WBP2NL: variants seen among roughly 807,000 people sequenced by gnomAD.
The protein encoded by WBP2NL is WBP2 N-terminal like, also known as postacrosomal sheath WW domain-binding protein.
WBP2NL carries 27 observed loss-of-function variants against 23.3 expected under a neutral mutation model. The observed-to-expected ratio is 1.16, with a 90% confidence interval of 0.85 to 1.60. The LOEUF (loss-of-function observed/expected upper bound fraction) is 1.60. WBP2NL is among the 40% of genes most tolerant of loss of function. WBP2NL has a pLI of 0.00. For synonymous variants in WBP2NL, 151 were observed against 145.9 expected (o/e 1.03, Z -0.25); for missense variants, 370 against 389.5 (o/e 0.95, Z 0.42).
At chr22:42,049,595 C>T (rs1029871801) in intron 8 of WBP2NL, among the ~76,000 whole-genome samples, 1 of 148,220 alleles carries the variant, frequency 6.7e-6, no homozygotes, top group Admixed American at 6.9e-5. Context: ...GAGGCTGAGG[C>T]AGGAGAATGG....
intron 8 of WBP2NL, among the ~76,000 whole-genome samples, chr22:42,052,171 A>T (rs1356847289): frequency 6.6e-6 from 1 of 152,180 alleles, no homozygotes; most frequent in Non-Finnish European, 1.5e-5. Flanking sequence ...GTCTTTGTAG[A>T]GGTAAAGGTC....
chr22:41,999,961 T>G (rs565475564), intron 1 of WBP2NL, among the ~76,000 whole-genome samples: 1 of 152,248 alleles, frequency 6.6e-6, no homozygotes, highest in African/African-American at 2.4e-5. Flanking sequence ...AAGGCCTGAC[T>G]CCACTGCGCT....
At chr22:42,007,062 G>GT (rs1158931118) in intron 1 of WBP2NL, among the ~76,000 whole-genome samples, 3 of 152,152 alleles carry the variant, frequency 2.0e-5, no homozygotes, top group Admixed American at 6.5e-5. Flanking sequence ...GAAATAAACA[G>GT]TTTTTTTCTC....
At chr22:42,032,916 G>A (rs1252769059), downstream of WBP2NL, 1 of 204,918 alleles carries the variant, frequency 4.9e-6, no homozygotes, top group African/African-American at 2.4e-5. Flanking sequence ...TAATAAAACA[G>A]GGTATTAATT....
At chr22:42,002,249 A>G (rs995219618) in intron 1 of WBP2NL, among the ~76,000 whole-genome samples, 13 of 152,224 alleles carry the variant, frequency 8.5e-5, no homozygotes, top group African/African-American at 3.1e-4. Context: ...CACTATTTCA[A>G]GTACTGTTCT....
intron 8 of WBP2NL, among the ~76,000 whole-genome samples, chr22:42,056,713 A>C (rs1403579089): frequency 6.6e-6 from 1 of 151,550 alleles, no homozygotes; most frequent in Admixed American, 6.6e-5. Flanking sequence ...TTTCATTTTT[A>C]ATTTTTGTGG....
At chr22:42,048,507 A>G (rs1374190245) in intron 8 of WBP2NL, among the ~76,000 whole-genome samples, 1 of 152,148 alleles carries the variant, frequency 6.6e-6, no homozygotes, top group Non-Finnish European at 1.5e-5. Flanking sequence ...CTGTAATCCC[A>G]GCACTCTGGG....
chr22:42,042,013 C>G (rs1277022927), intron 8 of WBP2NL, among the ~76,000 whole-genome samples: 1 of 152,174 alleles, frequency 6.6e-6, no homozygotes, highest in Admixed American at 6.5e-5. Context: ...CTTTCCTGGC[C>G]TACAAAATTT....
At chr22:42,004,522 AG>A (rs1922020856) in intron 1 of WBP2NL, among the ~76,000 whole-genome samples, 1 of 152,092 alleles carries the variant, frequency 6.6e-6, no homozygotes, top group Non-Finnish European at 1.5e-5. Context: ...TGAACCTGGG[AG>A]GTGGAGGTTA....
At chr22:42,002,450 G>A (rs1033459878) in intron 1 of WBP2NL, among the ~76,000 whole-genome samples, 2 of 152,070 alleles carry the variant, frequency 1.3e-5, no homozygotes, top group African/African-American at 4.8e-5. Context: ...CAGGCATGGT[G>A]GTGCACGTCT....
intron 1 of WBP2NL, among the ~76,000 whole-genome samples, chr22:42,017,507 T>G (rs971811370): frequency 6.6e-6 from 1 of 152,194 alleles, no homozygotes; most frequent in African/African-American, 2.4e-5. Context: ...TTCACTAAAT[T>G]GCTATGACAG....
chr22:42,051,586 G>A (rs1925839778), intron 8 of WBP2NL, among the ~76,000 whole-genome samples: 1 of 152,088 alleles, frequency 6.6e-6, no homozygotes, highest in Admixed American at 6.6e-5. Flanking sequence ...TAACAATAGG[G>A]GAAACAGTGA....
chr22:42,003,645 A>G (rs1283774801), intron 1 of WBP2NL, among the ~76,000 whole-genome samples: 1 of 152,210 alleles, frequency 6.6e-6, no homozygotes, highest in African/African-American at 2.4e-5. Context: ...GAGAAGATTG[A>G]TTCTATGAGG....
chr22:42,018,869 A>G (rs1412630523), intron 1 of WBP2NL, among the ~76,000 whole-genome samples: 1 of 151,698 alleles, frequency 6.6e-6, no homozygotes, highest in African/African-American at 2.4e-5. Context: ...TAGTAGTAGT[A>G]ATAGTAGCAG....
chr22:42,035,310 G>A (rs373142579), downstream of WBP2NL, among the ~76,000 whole-genome samples: 209 of 152,364 alleles, frequency 1.4e-3, no homozygotes, highest in African/African-American at 4.8e-3. Flanking sequence ...AGGATGCCTG[G>A]GTCTGCAGCC....
At chr22:42,007,258 T>G (rs1264152651) in intron 1 of WBP2NL, among the ~76,000 whole-genome samples, 1 of 152,224 alleles carries the variant, frequency 6.6e-6, no homozygotes, top group African/African-American at 2.4e-5. Flanking sequence ...GTCATTACTA[T>G]AAACATTCCT....
intron 1 of WBP2NL, among the ~76,000 whole-genome samples, chr22:42,014,692 A>T (rs1211936248): frequency 6.6e-6 from 1 of 152,086 alleles, no homozygotes; most frequent in Non-Finnish European, 1.5e-5. Context: ...ATTCCCATTG[A>T]CCTACTTCAA....
chr22:42,028,748 T>G (rs1421313434), downstream of WBP2NL, among the ~76,000 whole-genome samples: 3 of 152,360 alleles, frequency 2.0e-5, no homozygotes, highest in South Asian at 2.1e-4. Context: ...AAAATTTCTG[T>G]ATATATTAAA....
At position 42,027,434 on chromosome 22, in the gene WBP2NL, T is replaced by G. The variant is rs1301932866; in HGVS notation, c.*253T>G. ...GGGGCTAATTCCCCAGTAATTTGGT[T>G]GACATTGGGTTGCATTTTTAAACAT... On this transcript the variant is annotated 3_prime_UTR_variant, in exon 6 of 6. Coordinates refer to ENST00000328823, the MANE Select transcript of WBP2NL (RefSeq NM_152613.3). 1 of 461,196 alleles carries G rather than the reference T, an allele frequency of 2.2e-6. No homozygotes were observed. The highest frequency in any genetic ancestry group is 2.0e-5 in the African/African-American group (1 of 51,022). The allele number at this position is 461,196 out of a possible 1,614,324, so 28.6% of individuals were successfully genotyped here. A position where few individuals can be genotyped will look rare whatever the true frequency, so the allele number is the denominator to read the frequency against.
Sources: gnomAD v4.1 joint callset for allele counts (sites outside exome capture counted in the v4.1 genomes callset) on GRCh38, gnomAD v4.1.1 for gene constraint, MANE v1.5 for transcripts, NCBI Gene and HGNC (gene_info 2026-07-23, HGNC 2026-07-21) for gene names.